UBXN2A: variants seen among roughly 807,000 people sequenced by gnomAD.
UBXN2A encodes UBX domain-containing protein 2A.
In UBXN2A, 28 loss-of-function variants were observed where a neutral mutation model predicts 28.4. The ratio of observed to expected loss-of-function variants is 0.99; its 90% CI spans 0.73 to 1.35. UBXN2A has a LOEUF of 1.35. Among genes scored for constraint, UBXN2A ranks in the 40% most tolerant of loss-of-function variants. UBXN2A has a pLI of 0.00. For synonymous variants in UBXN2A, 97 were observed against 103.6 expected (o/e 0.94, Z 0.39); for missense variants, 253 against 297.9 (o/e 0.85, Z 1.11).
chr2:23,936,779 C>T (rs1380456560), upstream of UBXN2A, among the ~76,000 whole-genome samples: 4 of 152,062 alleles, frequency 2.6e-5, no homozygotes, highest in East Asian at 1.9e-4. Flanking sequence ...GGCGTGATCT[C>T]GGCTCACTGC....
upstream of UBXN2A, among the ~76,000 whole-genome samples, chr2:23,939,154 CAG>C (rs756188521): frequency 4.6e-5 from 7 of 151,946 alleles, no homozygotes; most frequent in Non-Finnish European, 7.4e-5. Context: ...ATTATTGCAA[CAG>C]GGGGGAAAAG....
chr2:23,994,198 T>C (rs372749542), intron 6 of UBXN2A, among the ~76,000 whole-genome samples: 1 of 152,224 alleles, frequency 6.6e-6, no homozygotes. Context: ...TTGAAAGATA[T>C]TAAGTCTTTT....
At chr2:23,960,398 A>G (rs938259920) in intron 2 of UBXN2A, among the ~76,000 whole-genome samples, 10 of 152,210 alleles carry the variant, frequency 6.6e-5, no homozygotes, top group African/African-American at 2.4e-4. Flanking sequence ...ACTGATTTGA[A>G]ATGGTAAAAT....
rs1022359056 is a variant in UBXN2A, at chr2:24,003,267, T to C, written c.*3400T>C. ...CACCATGGACGGTGGGAGACTCCAC[T>C]GAAACACATCTGCTAGACCACTAAG... On this transcript the variant is annotated 3_prime_UTR_variant, in exon 7 of 7. Coordinates refer to ENST00000309033, the MANE Select transcript of UBXN2A (RefSeq NM_181713.4). 2.0e-5 allele frequency: 3 copies of C among 152,208 alleles called. No homozygotes were observed. Among genetic ancestry groups the C allele is most frequent in the African/African-American group, 7.2e-5 (3 of 41,452 alleles). 9.4% of individuals were successfully genotyped at this position (152,208 alleles called of 1,614,324 possible). A position where few individuals can be genotyped will look rare whatever the true frequency, so the allele number is the denominator to read the frequency against.
In UBXN2A at chr2:23,974,242, C is replaced by T. The variant is rs1042427161; in HGVS notation, c.181-2727C>T. ...CCCTGTTAGTCAGGATGGTCTTGAT[C>T]TCCTGACCTCGTGATCCGCCCGCCT... is the stretch of plus-strand genomic sequence containing the variant. On this transcript the variant is annotated intron_variant, in intron 3 of 6. Transcript: ENST00000309033. 2.7e-5 allele frequency among the ~76,000 whole-genome samples: 4 copies of T among 150,682 alleles called. No homozygotes were observed. The East Asian group carries it at 7.9e-4, about 30-fold the overall frequency.
At chr2:23,980,176 C>T (rs565678599) in intron 4 of UBXN2A, among the ~76,000 whole-genome samples, 2 of 152,304 alleles carry the variant, frequency 1.3e-5, no homozygotes, top group East Asian at 1.9e-4. Flanking sequence ...CTGTCTATCT[C>T]TATGGATTTC....
upstream of UBXN2A, chr2:23,940,411 C>T (rs1290035207): frequency 7.7e-6 from 1 of 130,502 alleles, no homozygotes; most frequent in African/African-American, 2.6e-5. Context: ...CTCGGCGCGC[C>T]CCCGCGTCCG....
intron 1 of UBXN2A, among the ~76,000 whole-genome samples, chr2:23,949,840 A>G (rs920567770): frequency 1.3e-5 from 2 of 151,534 alleles, no homozygotes; most frequent in African/African-American, 4.8e-5. Context: ...TCACCACTGC[A>G]CTCTAGCCTG....
chr2:23,973,398 G>A (rs1409563529), intron 3 of UBXN2A, among the ~76,000 whole-genome samples: 2 of 151,118 alleles, frequency 1.3e-5, no homozygotes, highest in Non-Finnish European at 2.9e-5. Flanking sequence ...GAGTGCAGTG[G>A]TGCGATCTCT....
At chr2:23,995,384 C>T (rs1374971033) in intron 6 of UBXN2A, among the ~76,000 whole-genome samples, 2 of 152,026 alleles carry the variant, frequency 1.3e-5, no homozygotes, top group Non-Finnish European at 1.5e-5. Context: ...TTTAGACGCT[C>T]CTTGACTTAT....
chr2:23,954,872 T>C (rs1447709647), intron 1 of UBXN2A, among the ~76,000 whole-genome samples: 1 of 150,550 alleles, frequency 6.6e-6, no homozygotes, highest in Non-Finnish European at 1.5e-5. Context: ...ATCTCCTGCC[T>C]CTCAGCCTCC....
intron 6 of UBXN2A, among the ~76,000 whole-genome samples, chr2:23,996,207 C>T (rs1349144416): frequency 8.6e-5 from 13 of 151,574 alleles, no homozygotes; most frequent in African/African-American, 2.9e-4. Flanking sequence ...GCTGGGACTA[C>T]AGGCGCGTGC....
chr2:23,986,927 G>T (rs1371668496), intron 6 of UBXN2A, among the ~76,000 whole-genome samples: 1 of 149,478 alleles, frequency 6.7e-6, no homozygotes, highest in Non-Finnish European at 1.5e-5. Context: ...GCTTTTTTTT[G>T]GCTGGGTGTC....
chr2:23,943,719 G>A (rs1328034717), intron 1 of UBXN2A: 1 of 190,710 alleles, frequency 5.2e-6, no homozygotes, highest in Non-Finnish European at 1.1e-5. Context: ...TCGAACTCCT[G>A]ACCTCAGGTA....
chr2:23,938,626 A>G (rs778714181), upstream of UBXN2A, among the ~76,000 whole-genome samples: 2 of 151,368 alleles, frequency 1.3e-5, no homozygotes, highest in South Asian at 4.2e-4. Flanking sequence ...CGACAAAACA[A>G]TCTTGAAAAA....
chr2:23,969,408 G>T (rs1364388564), intron 2 of UBXN2A, among the ~76,000 whole-genome samples: 4 of 151,824 alleles, frequency 2.6e-5, no homozygotes, highest in African/African-American at 4.8e-5. Context: ...CTGTTGCCAG[G>T]CTGGAGTGCA....
intron 4 of UBXN2A, among the ~76,000 whole-genome samples, chr2:23,978,759 C>T (rs1707777918): frequency 6.6e-6 from 1 of 151,934 alleles, no homozygotes; most frequent in African/African-American, 2.4e-5. Flanking sequence ...GTCAGGAGTT[C>T]AAGACCAGCC....
chr2:23,964,327 C>T (rs1707071958), intron 2 of UBXN2A, among the ~76,000 whole-genome samples: 1 of 152,072 alleles, frequency 6.6e-6, no homozygotes, highest in Non-Finnish European at 1.5e-5. Flanking sequence ...TCTCCTGCCT[C>T]AGCCTCCTGA....
chr2:23,944,091 G>T (rs1705912582), intron 1 of UBXN2A: 2 of 675,502 alleles, frequency 3.0e-6, no homozygotes, highest in East Asian at 3.0e-5. Context: ...GAGCACAGGG[G>T]TCTCTTTTTG....
Sources: allele counts gnomAD v4.1 joint callset (sites outside exome capture counted in the v4.1 genomes callset), GRCh38; gene constraint gnomAD v4.1.1; transcripts MANE v1.5; gene names NCBI Gene and HGNC (gene_info 2026-07-23, HGNC 2026-07-21).